TGFB2: variants seen among roughly 807,000 people sequenced by gnomAD.
The protein encoded by TGFB2 is transforming growth factor beta 2.
TGFB2 carries 13 observed loss-of-function variants against 42.7 expected under a neutral mutation model. The ratio of observed to expected loss-of-function variants is 0.30; its 90% CI spans 0.20 to 0.48. The LOEUF is 0.48. Ranked by LOEUF, TGFB2 falls within the 20% of genes least tolerant of loss-of-function variation. The pLI is 0.99. For missense variants in TGFB2, 390 were observed against 517.5 expected (o/e 0.75, Z 2.39); for synonymous variants, 193 against 193.6 (o/e 1.00, Z 0.03).
At chr1:218,413,757 G>A (rs187833307) in intron 2 of TGFB2, among the ~76,000 whole-genome samples, 100 of 152,238 alleles carry the variant, frequency 6.6e-4, no homozygotes, top group Non-Finnish European at 1.2e-3. Flanking sequence ...TCTTTCCTTC[G>A]GATTTTAATG....
intron 1 of TGFB2, among the ~76,000 whole-genome samples, chr1:218,381,388 T>G (rs1353775958): frequency 6.6e-6 from 1 of 151,658 alleles, no homozygotes; most frequent in Non-Finnish European, 1.5e-5. Flanking sequence ...CCTGAGTAGG[T>G]GGGACTACAG....
rs772315495 is a variant in TGFB2 at position 218,399,255 on chromosome 1, A to T, written c.347-5914A>T. 2.9e-4 allele frequency among the ~76,000 whole-genome samples: 44 copies of T among 152,156 alleles called. 1 individual carries two copies. Among genetic ancestry groups the T allele is most frequent in the Non-Finnish European group, 5.9e-5 (4 of 68,030 alleles). ...AGAGAGTTCCTATATACCCTTCAAC[A>T]GCTTCTCCTAATGATGATCACAACT... On this transcript the variant is annotated intron_variant, in intron 1 of 6. Coordinates refer to ENST00000366930, the MANE Select transcript of TGFB2 (RefSeq NM_003238.6).
chr1:218,398,286 C>G (rs1443261124), intron 1 of TGFB2, among the ~76,000 whole-genome samples: 1 of 152,248 alleles, frequency 6.6e-6, no homozygotes, highest in Non-Finnish European at 1.5e-5. Context: ...TTAGCAAATA[C>G]AGCAAATACC....
At chr1:218,405,376 T>G (rs2102595064) in intron 2 of TGFB2, 44 bp downstream of exon 2, 1 of 1,564,628 alleles carries the variant, frequency 6.4e-7, no homozygotes, top group Non-Finnish European at 8.7e-7. Context: ...TGTTGTTGTT[T>G]TAGACAGACT....
rs1008480582 is a variant in TGFB2 at position 218,443,669 on chromosome 1, A to G, written c.*2307A>G. The stretch of plus-strand genomic sequence containing the variant: ...TTTGTCTTTCCTCATGAATGCACTG[A>G]TAATATTTTAAATGCTCTATTTTAA... On this transcript the variant is annotated 3_prime_UTR_variant, in exon 7 of 7. Transcript: ENST00000366930. The G allele has an allele frequency of 6.7e-6, 1 of 149,062 alleles. No homozygotes were observed. Among genetic ancestry groups the G allele is most frequent in the Admixed American group, 6.7e-5 (1 of 14,962 alleles). The allele number at this position is 149,062 out of a possible 1,614,324, so 9.2% of individuals were successfully genotyped here. A position where few individuals can be genotyped will look rare whatever the true frequency, so the allele number is the denominator to read the frequency against.
chr1:218,400,014 A>G (rs1202990220), intron 1 of TGFB2, among the ~76,000 whole-genome samples: 3 of 152,160 alleles, frequency 2.0e-5, no homozygotes, highest in Non-Finnish European at 4.4e-5. Context: ...CAGGCTCAGA[A>G]AAGCCAGATA....
In TGFB2 at chr1:218,437,463, G is replaced by C; in HGVS notation, c.1053G>C (p.Pro351=). 1 of 1,613,196 alleles carries C rather than the reference G, an allele frequency of 6.2e-7. No homozygotes were observed. Among genetic ancestry groups the C allele is most frequent in the Non-Finnish European group, 8.5e-7 (1 of 1,179,698 alleles). ...YNANFCAGAC[P]YLWSSDTQHS... ...CCAACTTCTGTGCTGGAGCATGCCC[G>C]TATTTATGGAGTTCAGACACTCAGC... Residue 351 remains proline, a synonymous_variant, in exon 6 of 7, where the codon CCG becomes CCC. Transcript: ENST00000366930.
chr1:218,396,591 G>A (rs1011067446), intron 1 of TGFB2, among the ~76,000 whole-genome samples: 2 of 151,248 alleles, frequency 1.3e-5, no homozygotes, highest in Non-Finnish European at 2.9e-5. Context: ...TTTATATTGA[G>A]TCAAACTGTG....
chr1:218,423,872 C>T (rs1384093278), intron 2 of TGFB2, among the ~76,000 whole-genome samples: 3 of 152,200 alleles, frequency 2.0e-5, no homozygotes, highest in South Asian at 4.1e-4. Context: ...ATACAAGGTG[C>T]GTTTTACTAT....
At position 218,437,221 on chromosome 1, in the gene TGFB2, C is replaced by T. The variant is rs926920588; in HGVS notation, c.933-122C>T. ...TAAAACCTGGCCCATGATATTTGCT[C>T]ATTAGATGTTTGTTGAATAAATGAA... is the stretch of plus-strand genomic sequence containing the variant. On this transcript the variant is annotated intron_variant, in intron 5 of 6. Coordinates refer to ENST00000366930, the MANE Select transcript of TGFB2 (RefSeq NM_003238.6). 16 of 985,764 alleles carry T rather than the reference C, an allele frequency of 1.6e-5. No homozygotes were observed. The Admixed American group carries it at 1.9e-4, about 12-fold the overall frequency. 61.1% of individuals were successfully genotyped at this position (985,764 alleles called of 1,614,324 possible).
chr1:218,393,468 C>T (rs1180037797), intron 1 of TGFB2, among the ~76,000 whole-genome samples: 1 of 152,180 alleles, frequency 6.6e-6, no homozygotes, highest in African/African-American at 2.4e-5. Flanking sequence ...GGCCGGCTTC[C>T]TTCTACTGAT....
intron 5 of TGFB2, 57 bp from the exon 6 acceptor site, chr1:218,437,286 T>G: frequency 6.7e-7 from 1 of 1,493,218 alleles, no homozygotes. Context: ...GGTGGTAGAG[T>G]GAGGGTGGTG....
At chr1:218,380,418 C>G (rs554077767) in intron 1 of TGFB2, among the ~76,000 whole-genome samples, 3 of 152,250 alleles carry the variant, frequency 2.0e-5, no homozygotes, top group South Asian at 2.1e-4. Context: ...AAACTGGCAA[C>G]AGTAATCAGC....
chr1:218,375,175 C>T (rs139278750), intron 1 of TGFB2, among the ~76,000 whole-genome samples: 14 of 152,220 alleles, frequency 9.2e-5, no homozygotes, highest in African/African-American at 3.4e-4. Flanking sequence ...CTTTGTATAA[C>T]AGACGGTGGT....
At chr1:218,391,928 A>G (rs1312277091) in intron 1 of TGFB2, among the ~76,000 whole-genome samples, 1 of 152,210 alleles carries the variant, frequency 6.6e-6, no homozygotes, top group African/African-American at 2.4e-5. Flanking sequence ...CAGGTTTAAG[A>G]TTGGGGCAAA....
intron 1 of TGFB2, among the ~76,000 whole-genome samples, chr1:218,397,742 G>C (rs1658573390): frequency 6.6e-6 from 1 of 152,096 alleles, no homozygotes; most frequent in South Asian, 2.1e-4. Flanking sequence ...CTGTTATATA[G>C]GATCCATATA....
chr1:218,390,240 A>G (rs1658275134), intron 1 of TGFB2, among the ~76,000 whole-genome samples: 1 of 152,148 alleles, frequency 6.6e-6, no homozygotes, highest in African/African-American at 2.4e-5. Flanking sequence ...AAGCTTTGGG[A>G]ACCACCTGAG....
At chr1:218,407,506 G>C (rs1571877322) in intron 2 of TGFB2, among the ~76,000 whole-genome samples, 1 of 152,234 alleles carries the variant, frequency 6.6e-6, no homozygotes, top group Middle Eastern at 3.4e-3. Context: ...GCACCAATGG[G>C]CCAGCCGTTG....
chr1:218,437,463 G>A lies in TGFB2; in HGVS notation c.1053G>A (p.Pro351=), dbSNP rs142741166. The change falls in exon 6 of 7, where the codon CCG becomes CCA. Residue 351 remains proline (P), a synonymous_variant. Coordinates refer to ENST00000366930, the MANE Select transcript of TGFB2 (RefSeq NM_003238.6). ...YNANFCAGAC[P]YLWSSDTQHS... ...CCAACTTCTGTGCTGGAGCATGCCC[G>A]TATTTATGGAGTTCAGACACTCAGC... The A allele has an allele frequency of 2.7e-5, 44 of 1,613,196 alleles. No homozygotes were observed. The highest frequency in any genetic ancestry group is 8.0e-5 in the African/African-American group (6 of 74,948).
Sources: allele counts gnomAD v4.1 joint callset (sites outside exome capture counted in the v4.1 genomes callset), GRCh38; gene constraint gnomAD v4.1.1; transcripts MANE v1.5; gene names NCBI Gene and HGNC (gene_info 2026-07-23, HGNC 2026-07-21).